The following ERN1 variants were observed in gnomAD, a reference collection of about 807,000 sequenced individuals.
ERN1 encodes serine/threonine-protein kinase/endoribonuclease IRE1.
In ERN1, 39 loss-of-function variants were observed where a neutral mutation model predicts 113.1. That is an observed-to-expected ratio of 0.34 (90% CI 0.27 to 0.45). The LOEUF is 0.45. Ranked by LOEUF, ERN1 falls within the 20% of genes least tolerant of loss-of-function variation. The pLI is 1.00. For synonymous variants in ERN1, 507 were observed against 515.9 expected (o/e 0.98, Z 0.23); for missense variants, 976 against 1,274.8 (o/e 0.77, Z 3.57).
Position 64,045,459 on chromosome 17 carries a change from C to T in ERN1, c.2553G>A (p.Lys851=), listed in dbSNP as rs1912483761. The T allele has an allele frequency of 6.2e-7, 1 of 1,613,972 alleles. No homozygotes were observed. The highest frequency in any genetic ancestry group is 8.5e-7 in the Non-Finnish European group (1 of 1,179,890). The change falls in exon 20 of 22, where the codon AAG becomes AAA. Residue 851 remains lysine, a synonymous_variant. Transcript: ENST00000433197. The part of the protein sequence containing the change: ...FFQDVSDRIE[K]ESLDGPIVKQ... The stretch of plus-strand genomic sequence containing the variant: ...TCACGATCGGGCCATCCAGGGATTC[C>T]TTTTCTATTCTGTCGCTCACGTCCT...
rs1036717262 is a variant in ERN1, at chr17:64,080,919, G to T, written c.176-111C>A. The T allele has an allele frequency of 5.1e-6, 5 of 981,146 alleles. No individual in the cohort carries two copies. In the East Asian group the frequency reaches 1.0e-4, roughly 20 times the overall value. 60.8% of individuals were successfully genotyped at this position (981,146 alleles called of 1,614,324 possible). A position where few individuals can be genotyped will look rare whatever the true frequency, so the allele number is the denominator to read the frequency against. ...TACCGGTAATAACTTTCTCCCTCCT[G>T]TTAACCTACATGGGCTAGTGCACGT... On this transcript the variant is annotated intron_variant, in intron 2 of 21. Coordinates refer to ENST00000433197, the MANE Select transcript of ERN1 (RefSeq NM_001433.5).
At chr17:64,047,514 T>C (rs1236781654) in intron 19 of ERN1, among the ~76,000 whole-genome samples, 1 of 152,182 alleles carries the variant, frequency 6.6e-6, no homozygotes, top group Non-Finnish European at 1.5e-5. Flanking sequence ...CATTATAGCA[T>C]TTAAACATTT....
Position 64,054,358 on chromosome 17 carries a change from C to T in ERN1, c.1845G>A (p.Leu615=), listed in dbSNP as rs969127209. ...CFSFADREVQ[L]LRESDEHPNV... ...TCGGGTGCTCATCCGATTCTCGCAA[C>T]AGCTGGACCTCACGGTCTGCGAAGC... The change falls in exon 15 of 22, where the codon CTG becomes CTA. Residue 615 remains leucine (L), a synonymous_variant. Coordinates refer to ENST00000433197, the MANE Select transcript of ERN1 (RefSeq NM_001433.5). The surrounding 1 kb of genome is among the most constrained non-coding windows in gnomAD (Gnocchi z 4.9). 1.9e-6 allele frequency: 3 copies of T among 1,611,926 alleles called. No homozygotes were observed. Among genetic ancestry groups the T allele is most frequent in the Non-Finnish European group, 2.5e-6 (3 of 1,178,990 alleles).
chr17:64,092,057 T>G (rs917120235), intron 2 of ERN1, among the ~76,000 whole-genome samples: 4 of 151,844 alleles, frequency 2.6e-5, no homozygotes, highest in Non-Finnish European at 5.9e-5. Context: ...TGGGGGTGTA[T>G]CTGAGGGCAG....
intron 1 of ERN1, among the ~76,000 whole-genome samples, chr17:64,110,009 A>G (rs532277951): frequency 6.6e-6 from 1 of 152,306 alleles, no homozygotes; most frequent in East Asian, 1.9e-4. Flanking sequence ...TAGAAACCCA[A>G]TATACCAAAT....
chr17:64,116,250 A>G (rs1325293531), intron 1 of ERN1, among the ~76,000 whole-genome samples: 7 of 152,202 alleles, frequency 4.6e-5, no homozygotes. Flanking sequence ...ACCACAAATC[A>G]GATAAGTGAT....
At chr17:64,097,750 G>A (rs1346397655) in intron 2 of ERN1, 1 of 187,906 alleles carries the variant, frequency 5.3e-6, no homozygotes, top group Non-Finnish European at 1.1e-5. Context: ...GAGGTGTTGA[G>A]AAGATACCTT....
Position 64,098,174 on chromosome 17 carries a change from C to A in ERN1, c.122G>T (p.Ser41Ile). 6.2e-7 allele frequency: 1 copy of A among 1,613,996 alleles called. No homozygotes were observed. The highest frequency in any genetic ancestry group is 8.5e-7 in the Non-Finnish European group (1 of 1,179,892). Residue 41 changes from serine (S) to isoleucine (I), a missense_variant, in exon 2 of 22, where the codon AGT (serine) becomes ATT (isoleucine). Ser to Ile is a moderately radical substitution (Grantham distance 142). Coordinates refer to ENST00000433197, the MANE Select transcript of ERN1 (RefSeq NM_001433.5). ...TGTCCTCTTGCTGACAGCATGCAAA[C>A]TTCCATCCAGCGTTGACACAAACAA... ...TLLFVSTLDGSLHAVSKRTGS... is the reference protein window; with the variant it reads ...TLLFVSTLDGILHAVSKRTGS...
intron 19 of ERN1, among the ~76,000 whole-genome samples, 156 bp from the exon 20 acceptor site, chr17:64,045,638 C>T (rs912749080): frequency 7.9e-5 from 12 of 152,144 alleles, no homozygotes; most frequent in Admixed American, 2.0e-4. Context: ...CCATGACTTT[C>T]CCTGTGAGCT....
rs147472662 is a variant in ERN1, at chr17:64,051,400, G to T, written c.2253+1380C>A. Reference sequence around the variant, plus strand: ...CCTTATGGTAGAGAGATCAGCTGTAGCATCACTAAGAGGAGGTGATAATAA... The same window carrying T: ...CCTTATGGTAGAGAGATCAGCTGTATCATCACTAAGAGGAGGTGATAATAA... On this transcript the variant is annotated intron_variant, in intron 17 of 21. Transcript: ENST00000433197. Among the ~76,000 whole-genome samples the T allele has an allele frequency of 4.6e-5, 7 of 152,338 alleles. No individual in the cohort carries two copies. The East Asian group carries it at 1.3e-3, about 29-fold the overall frequency.
At chr17:64,124,862 A>G (rs1282572435) in intron 1 of ERN1, among the ~76,000 whole-genome samples, 3 of 152,266 alleles carry the variant, frequency 2.0e-5, no homozygotes, top group African/African-American at 7.2e-5. Context: ...TAAGTTAAAG[A>G]GGCCAGTTAC....
intron 2 of ERN1, among the ~76,000 whole-genome samples, chr17:64,091,881 A>G (rs1914099852): frequency 6.6e-6 from 1 of 152,178 alleles, no homozygotes; most frequent in Admixed American, 6.5e-5. Context: ...CCAGTTGTTG[A>G]AACGGCCAAC....
chr17:64,110,198 T>TA (rs1248385903), intron 1 of ERN1, among the ~76,000 whole-genome samples: 1 of 152,174 alleles, frequency 6.6e-6, no homozygotes, highest in African/African-American at 2.4e-5. Flanking sequence ...CCAGTCTTTT[T>TA]AAAAAAAGTT....
At chr17:64,103,460 G>A (rs1914440321) in intron 1 of ERN1, among the ~76,000 whole-genome samples, 1 of 145,708 alleles carries the variant, frequency 6.9e-6, no homozygotes, top group Admixed American at 7.1e-5. Flanking sequence ...TCACGCCACT[G>A]CACTCCAGGC....
At chr17:64,109,874 T>C (rs1914627904) in intron 1 of ERN1, among the ~76,000 whole-genome samples, 1 of 152,146 alleles carries the variant, frequency 6.6e-6, no homozygotes, top group South Asian at 2.1e-4. Context: ...AGCCAAAGCC[T>C]AAATTACTTC....
intron 1 of ERN1, among the ~76,000 whole-genome samples, chr17:64,120,396 G>C (rs1331735756): frequency 6.6e-6 from 1 of 152,194 alleles, no homozygotes; most frequent in Non-Finnish European, 1.5e-5. Flanking sequence ...TGTTTGTTCA[G>C]AGAATGTACA....
chr17:64,052,553 G>A (rs541987204), intron 17 of ERN1, among the ~76,000 whole-genome samples: 2 of 150,266 alleles, frequency 1.3e-5, no homozygotes, highest in East Asian at 1.9e-4. Context: ...AAAAAAACAA[G>A]TGATTGGAAG....
At chr17:64,071,381 T>C (rs1031350423) in intron 6 of ERN1, among the ~76,000 whole-genome samples, 12 of 152,034 alleles carry the variant, frequency 7.9e-5, no homozygotes. Context: ...ACACTGCTAT[T>C]CTGGGAGCTG....
intron 2 of ERN1, among the ~76,000 whole-genome samples, chr17:64,091,186 G>A (rs1462848487): frequency 1.3e-5 from 2 of 152,116 alleles, no homozygotes; most frequent in African/African-American, 2.4e-5. Context: ...CACTTCTGAA[G>A]ACAGATCTCC....
Sources: allele counts gnomAD v4.1 joint callset (sites outside exome capture counted in the v4.1 genomes callset), GRCh38; gene constraint gnomAD v4.1.1; non-coding constraint Gnocchi (gnomAD v3.1); transcripts MANE v1.5; gene names NCBI Gene and HGNC (gene_info 2026-07-23, HGNC 2026-07-21).